ENDOV: variants seen among roughly 807,000 people sequenced by gnomAD.
The protein encoded by ENDOV is hEndoV.
Under a neutral mutation model 39.4 loss-of-function variants are expected in ENDOV, and 37 were observed. The observed-to-expected ratio is 0.94, with a 90% confidence interval of 0.72 to 1.23. The LOEUF is 1.23. Ranked by LOEUF, ENDOV falls within the 50% of genes most tolerant of loss-of-function variation. The pLI is 0.00. For synonymous variants in ENDOV, 186 were observed against 163.4 expected (o/e 1.14, Z -1.05); for missense variants, 441 against 375.7 (o/e 1.17, Z -1.44).
At chr17:80,433,956 T>C (rs41301940) in intron 9 of ENDOV, among the ~76,000 whole-genome samples, 1,695 of 152,354 alleles carry the variant, frequency 0.011, 40 homozygotes, top group African/African-American at 0.038. Flanking sequence ...CTACAACTCA[T>C]TGACTTTTGG....
At chr17:80,425,349 A>G (rs1599401636) in intron 6 of ENDOV, 143 bp from the exon 7 acceptor site, 3 of 1,265,250 alleles carry the variant, frequency 2.4e-6, no homozygotes, top group African/African-American at 3.0e-5. Flanking sequence ...GAGGGTGGGC[A>G]GGCCCTGGCC....
intron 2 of ENDOV, chr17:80,417,835 C>G (rs1301520242): frequency 1.3e-5 from 2 of 152,198 alleles, no homozygotes; most frequent in African/African-American, 4.8e-5. Flanking sequence ...TGGACTCTTC[C>G]TTCAAGAGAT....
intron 7 of ENDOV, chr17:80,427,979 C>A: frequency 1.0e-6 from 1 of 984,392 alleles, no homozygotes; most frequent in Non-Finnish European, 1.3e-6. Context: ...CTCATCTGAG[C>A]TGGGATCAGG....
chr17:80,434,872 G>A (rs1397278555), intron 9 of ENDOV, among the ~76,000 whole-genome samples: 3 of 149,390 alleles, frequency 2.0e-5, no homozygotes, highest in Non-Finnish European at 4.4e-5. Flanking sequence ...CTTAAGCCCA[G>A]GAGGTTGAGG....
Position 80,436,747 on chromosome 17 carries a change from A to G in ENDOV, c.*604A>G, listed in dbSNP as rs1184363321. 6.2e-6 allele frequency: 1 copy of G among 161,720 alleles called. No homozygotes were observed. Among genetic ancestry groups the G allele is most frequent in the African/African-American group, 2.4e-5 (1 of 41,484 alleles). 10.0% of individuals were successfully genotyped at this position (161,720 alleles called of 1,614,324 possible). A position where few individuals can be genotyped will look rare whatever the true frequency, so the allele number is the denominator to read the frequency against. On this transcript the variant is annotated 3_prime_UTR_variant, in exon 10 of 10. Transcript: ENST00000518137. Reference sequence around the variant, plus strand: ...CTTATGATGTCTTCCTTTGGTTTTGATATCAGGATAATATTAGCCTCATAG... The same window carrying G: ...CTTATGATGTCTTCCTTTGGTTTTGGTATCAGGATAATATTAGCCTCATAG...
rs764925581 is a variant in ENDOV, at chr17:80,423,547, T to C, written c.431T>C (p.Val144Ala). Reference protein sequence around the residue: ...RGFGVACHLGVLTDLPCVGVA... With the variant: ...RGFGVACHLGALTDLPCVGVA... ...TTTGGGGTGGCCTGCCACCTTGGCG[T>C]CCTTACAGACCTGCCGTGTGTTGGG... Residue 144 changes from valine (V) to alanine (A), a missense_variant, in exon 5 of 10, where the codon GTC (valine) becomes GCC (alanine). Val to Ala is a moderately conservative substitution (Grantham distance 64, BLOSUM62 0). Coordinates refer to ENST00000518137, the MANE Select transcript of ENDOV (RefSeq NM_173627.5). 4 of 1,506,094 alleles carry C rather than the reference T, an allele frequency of 2.7e-6. No homozygotes were observed. The highest frequency in any genetic ancestry group is 2.7e-6 in the Non-Finnish European group (3 of 1,119,682). The allele number at this position is 1,506,094 out of a possible 1,614,324, so 93.3% of individuals were successfully genotyped here.
chr17:80,435,476 A>T (rs1019860741), intron 9 of ENDOV, among the ~76,000 whole-genome samples: 6 of 152,148 alleles, frequency 3.9e-5, no homozygotes, highest in African/African-American at 1.4e-4. Context: ...TGTTGTTGAG[A>T]CAGGGTCTCG....
intron 7 of ENDOV, among the ~76,000 whole-genome samples, chr17:80,428,113 A>G (rs2082946340): frequency 6.6e-6 from 1 of 152,046 alleles, no homozygotes; most frequent in African/African-American, 2.4e-5. Flanking sequence ...GCCCTCTTTT[A>G]TCTTGGTGAT....
chr17:80,424,423 G>A (rs1248091054), intron 5 of ENDOV: 5 of 398,860 alleles, frequency 1.3e-5, no homozygotes, highest in South Asian at 1.4e-4. Context: ...GGGCAGTGGC[G>A]GCACCTGTGT....
intron 8 of ENDOV, among the ~76,000 whole-genome samples, chr17:80,428,897 G>A (rs1296113505): frequency 3.3e-5 from 5 of 152,210 alleles, no homozygotes; most frequent in Non-Finnish European, 7.3e-5. Context: ...GCAAAGCCCT[G>A]GAACTACGGC....
In ENDOV at chr17:80,427,801, G is replaced by A. The variant is rs1430644624; in HGVS notation, c.715-795G>A. The A allele has an allele frequency of 5.4e-6, 7 of 1,288,770 alleles. No individual in the cohort carries two copies. In the Admixed American group the frequency reaches 1.6e-4, roughly 30 times the overall value. The allele number at this position is 1,288,770 out of a possible 1,614,324, so 79.8% of individuals were successfully genotyped here. A position where few individuals can be genotyped will look rare whatever the true frequency, so the allele number is the denominator to read the frequency against. Reference sequence around the variant, plus strand: ...CACAGGCGCTGCGGCGCTCCTGGTTGCCAGGTCCAGGCTCTCCTGCCAGGC... The same window carrying A: ...CACAGGCGCTGCGGCGCTCCTGGTTACCAGGTCCAGGCTCTCCTGCCAGGC... On this transcript the variant is annotated intron_variant, in intron 7 of 9. Coordinates refer to ENST00000518137, the MANE Select transcript of ENDOV (RefSeq NM_173627.5).
intron 7 of ENDOV, chr17:80,427,938 A>T: frequency 8.7e-7 from 1 of 1,154,974 alleles, no homozygotes; most frequent in South Asian, 1.5e-5. Context: ...GTTGCTTTCC[A>T]TGAGTCGTGC....
chr17:80,417,574 G>T (rs188761128), intron 2 of ENDOV: 1 of 152,388 alleles, frequency 6.6e-6, no homozygotes, highest in Non-Finnish European at 1.5e-5. Flanking sequence ...CACAGGGCCA[G>T]CTTCTTAACC....
chr17:80,432,584 G>A (rs1203710493), intron 9 of ENDOV, among the ~76,000 whole-genome samples: 1 of 152,114 alleles, frequency 6.6e-6, no homozygotes, highest in East Asian at 1.9e-4. Flanking sequence ...GTCATTGCCC[G>A]TGAGTCCGGG....
Position 80,436,731 on chromosome 17 carries a change from T to C in ENDOV, c.*588T>C, listed in dbSNP as rs2083607592. The C allele has an allele frequency of 6.2e-6, 1 of 162,296 alleles. No individual in the cohort carries two copies. Among genetic ancestry groups the C allele is most frequent in the Non-Finnish European group, 1.3e-5 (1 of 74,922 alleles). 10.1% of individuals were successfully genotyped at this position (162,296 alleles called of 1,614,324 possible). On this transcript the variant is annotated 3_prime_UTR_variant, in exon 10 of 10. Coordinates refer to ENST00000518137, the MANE Select transcript of ENDOV (RefSeq NM_173627.5). ...ATTGGTCTGGTGTTTTCTTATGATG[T>C]CTTCCTTTGGTTTTGATATCAGGAT...
intron 7 of ENDOV, chr17:80,427,725 G>A (rs1316698890): frequency 9.3e-6 from 12 of 1,289,166 alleles, no homozygotes; most frequent in Non-Finnish European, 1.2e-5. Flanking sequence ...GGTTAGTGTT[G>A]GTCTGCTCTC....
At chr17:80,435,092 G>T (rs966907242) in intron 9 of ENDOV, among the ~76,000 whole-genome samples, 1 of 147,430 alleles carries the variant, frequency 6.8e-6, no homozygotes, top group African/African-American at 2.5e-5. Context: ...AAATTGGGTT[G>T]TCATCTTGTT....
intron 8 of ENDOV, among the ~76,000 whole-genome samples, chr17:80,429,423 G>T (rs2083132673): frequency 6.6e-6 from 1 of 152,208 alleles, no homozygotes; most frequent in South Asian, 2.1e-4. Context: ...GGAGGCCCCA[G>T]GCCTGGGATT....
At chr17:80,430,943 C>G (rs2083295147) in intron 9 of ENDOV, among the ~76,000 whole-genome samples, 2 of 152,080 alleles carry the variant, frequency 1.3e-5, no homozygotes, top group South Asian at 4.1e-4. Flanking sequence ...AGGGGATGGC[C>G]CACCTGCAGC....
Sources: gnomAD v4.1 joint callset for allele counts (sites outside exome capture counted in the v4.1 genomes callset) on GRCh38, gnomAD v4.1.1 for gene constraint, MANE v1.5 for transcripts, NCBI Gene and HGNC (gene_info 2026-07-23, HGNC 2026-07-21) for gene names.